ISY1: variants seen among roughly 807,000 people sequenced by gnomAD.
ISY1 encodes pre-mRNA-splicing factor ISY1 homolog.
Under a neutral mutation model 54.4 loss-of-function variants are expected in ISY1, and 12 were observed. The ratio of observed to expected loss-of-function variants is 0.22; its 90% CI spans 0.14 to 0.36. The LOEUF (loss-of-function observed/expected upper bound fraction) is 0.36. ISY1 is among the 10% of genes least tolerant of loss of function. The pLI, the probability that ISY1 is intolerant of heterozygous loss-of-function variation, is 1.00. For missense variants in ISY1, 282 were observed against 342.2 expected, an observed-to-expected ratio of 0.82 and a Z score of 1.39; for synonymous variants, 96 against 117.9, an observed-to-expected ratio of 0.81 and a Z score of 1.20.
rs551086760 is a variant in ISY1 at position 129,138,374 on chromosome 3, G to A, written c.418+1994C>T. 3.3e-5 allele frequency among the ~76,000 whole-genome samples: 5 copies of A among 151,930 alleles called. No individual in the cohort carries two copies. The South Asian group carries it at 8.3e-4, about 25-fold the overall frequency. ...ATTAGTACTGGTCACGGTGGCTCAC[G>A]CCTGTAATCCCAGCACTTTGGGAAG... is the stretch of plus-strand genomic sequence containing the variant. On this transcript the variant is annotated intron_variant, in intron 7 of 10. Transcript: ENST00000393295.
At chr3:129,160,915 G>C (rs1576897799) in intron 1 of ISY1, 58 bp downstream of exon 1, 1 of 683,702 alleles carries the variant, frequency 1.5e-6, no homozygotes, top group South Asian at 1.5e-5. Context: ...AGGTGGACTG[G>C]GCGCCCCCCC....
intron 5 of ISY1, among the ~76,000 whole-genome samples, chr3:129,148,820 C>T (rs1041241765): frequency 2.6e-5 from 4 of 152,182 alleles, no homozygotes; most frequent in Non-Finnish European, 5.9e-5. Flanking sequence ...CCACCCATCT[C>T]GGCCTCCCAA....
intron 5 of ISY1, among the ~76,000 whole-genome samples, chr3:129,147,496 G>C (rs1324666324): frequency 3.9e-5 from 6 of 152,172 alleles, no homozygotes; most frequent in African/African-American, 1.4e-4. Flanking sequence ...TAAAGACACA[G>C]AGAACTCAAG....
intron 5 of ISY1, 110 bp from the exon 6 acceptor site, chr3:129,145,983 T>C: frequency 1.0e-6 from 1 of 993,724 alleles, no homozygotes; most frequent in Non-Finnish European, 1.5e-6. Flanking sequence ...CCTACAAAGG[T>C]ATACTACATA....
intron 5 of ISY1, 136 bp downstream of exon 5, chr3:129,156,497 T>C (rs748249335): frequency 2.5e-6 from 2 of 810,044 alleles, no homozygotes; most frequent in Admixed American, 2.7e-5. Context: ...TGACTGATCG[T>C]ATTGATTGGC....
chr3:129,129,265 TGCCACCCA>T lies in ISY1; in HGVS notation c.*808_*815del, dbSNP rs1936172600. On this transcript the variant is annotated 3_prime_UTR_variant, in exon 11 of 11. Transcript: ENST00000393295. ...AACAGGAATAGCAAACTCAAATTCCTGCCACCCAGGCAGGAGCGAGTGGAGCAGGTGGA... is the reference window on the plus strand; with the variant it reads ...AACAGGAATAGCAAACTCAAATTCCTGGCAGGAGCGAGTGGAGCAGGTGGA... The T allele has an allele frequency of 6.6e-6, 1 of 152,142 alleles. No individual in the cohort carries two copies. The highest frequency in any genetic ancestry group is 2.4e-5 in the African/African-American group (1 of 41,416). The allele number at this position is 152,142 out of a possible 1,614,324, so 9.4% of individuals were successfully genotyped here.
intron 5 of ISY1, among the ~76,000 whole-genome samples, chr3:129,154,692 C>T (rs372387308): frequency 1.5e-5 from 2 of 136,566 alleles, no homozygotes; most frequent in South Asian, 2.3e-4. Context: ...TTTTATTGAT[C>T]TTTTTTTTTT....
intron 8 of ISY1, 85 bp downstream of exon 8, chr3:129,134,747 A>G (rs1015772602): frequency 1.2e-5 from 18 of 1,477,468 alleles, no homozygotes; most frequent in Admixed American, 2.1e-5. Context: ...CTTCTGGCAT[A>G]AAGCACTATT....
intron 5 of ISY1, among the ~76,000 whole-genome samples, chr3:129,149,608 A>ATACAT (rs1372817535): frequency 1.5e-5 from 1 of 67,478 alleles, no homozygotes; most frequent in African/African-American, 7.1e-5. Context: ...AAAAAAAAAA[A>ATACAT]AAATATATAT....
chr3:129,148,853 G>A (rs1027962059), intron 5 of ISY1, among the ~76,000 whole-genome samples: 1 of 152,192 alleles, frequency 6.6e-6, no homozygotes, highest in African/African-American at 2.4e-5. Context: ...ACAGGCGTGA[G>A]CCACCATGCC....
At chr3:129,146,648 T>A (rs573441206) in intron 5 of ISY1, among the ~76,000 whole-genome samples, 2 of 152,174 alleles carry the variant, frequency 1.3e-5, no homozygotes, top group African/African-American at 4.8e-5. Flanking sequence ...GGATACTGCA[T>A]GTGGAGGTGG....
chr3:129,134,879 T>C lies in ISY1; in HGVS notation c.494A>G (p.Glu165Gly). The C allele has an allele frequency of 6.2e-7, 1 of 1,611,570 alleles. No individual in the cohort carries two copies. The highest frequency in any genetic ancestry group is 1.3e-5 in the African/African-American group (1 of 74,978). The change falls in exon 8 of 11, where the codon GAA becomes GGA. Residue 165 changes from glutamate to glycine, a missense_variant. By Grantham distance (98) the Glu-to-Gly change is moderately conservative. Around this residue, in one of 2 missense-constraint regions of ISY1, gnomAD observed 279 missense variants for 323.6 expected, o/e 0.86. Transcript: ENST00000393295. ...IDFEYYGYLD[E>G]DDGVIVPLEQ... is the part of the protein sequence containing the mutation. The stretch of plus-strand genomic sequence containing the variant: ...CAAAGGCACAATAACACCATCATCT[T>C]CATCTAGGTAACCATAGTACTCAAA...
At chr3:129,133,070 T>C (rs1450066645) in intron 9 of ISY1, among the ~76,000 whole-genome samples, 3 of 151,950 alleles carry the variant, frequency 2.0e-5, no homozygotes, top group Non-Finnish European at 4.4e-5. Context: ...ACTCCAAATA[T>C]AGGGCCCCGC....
At position 129,127,592 on chromosome 3, in the gene ISY1, G is replaced by A. The variant is rs1238137612; in HGVS notation, c.*2489C>T. On this transcript the variant is annotated 3_prime_UTR_variant, in exon 11 of 11. Transcript: ENST00000393295. ...TGCTGAGACCTTGTCCCACATCTAG[G>A]ACCCTCTAGGGCCTTTGGGCACAGA... The A allele has an allele frequency of 6.6e-6, 1 of 152,188 alleles. No homozygotes were observed. The allele number at this position is 152,188 out of a possible 1,614,324, so 9.4% of individuals were successfully genotyped here.
intron 5 of ISY1, among the ~76,000 whole-genome samples, chr3:129,146,077 G>GAA (rs574794323): frequency 6.7e-6 from 1 of 148,218 alleles, no homozygotes; most frequent in African/African-American, 2.5e-5. Flanking sequence ...ACTAGCGTAA[G>GAA]AAAAAAAAAA....
rs536536984 is a variant in ISY1, at chr3:129,143,329, A to G, written c.300+2432T>C. ...CGAGACCAGCCTGGCCAACATGGTC[A>G]AACCCCAACTCTACTAAAATATAAA... On this transcript the variant is annotated intron_variant, in intron 6 of 10. Transcript: ENST00000393295. 2.2e-3 allele frequency among the ~76,000 whole-genome samples: 330 copies of G among 152,046 alleles called. 1 individual carries two copies. The highest frequency in any genetic ancestry group is 7.3e-3 in the African/African-American group (301 of 41,488).
At chr3:129,150,942 T>C (rs1936947647) in intron 5 of ISY1, among the ~76,000 whole-genome samples, 2 of 150,734 alleles carry the variant, frequency 1.3e-5, no homozygotes, top group Non-Finnish European at 3.0e-5. Flanking sequence ...CTAGCCAACA[T>C]GGTGAAACTC....
At chr3:129,160,002 A>C (rs1937257227) in intron 1 of ISY1, among the ~76,000 whole-genome samples, 1 of 151,878 alleles carries the variant, frequency 6.6e-6, no homozygotes, top group Admixed American at 6.6e-5. Context: ...TTTGGGATAT[A>C]CCTTCTCACA....
chr3:129,155,221 G>T (rs1203384568), intron 5 of ISY1, among the ~76,000 whole-genome samples: 1 of 151,660 alleles, frequency 6.6e-6, no homozygotes, highest in Admixed American at 6.6e-5. Flanking sequence ...TTGTTTGTTT[G>T]TTTGTTTTGA....
Sources: gnomAD v4.1 joint callset for allele counts (sites outside exome capture counted in the v4.1 genomes callset) on GRCh38, gnomAD v4.1.1 for gene constraint, gnomAD v4.1.1 regional missense constraint, MANE v1.5 for transcripts, NCBI Gene and HGNC (gene_info 2026-07-23, HGNC 2026-07-21) for gene names.